DIAPH3: variants seen among roughly 807,000 people sequenced by gnomAD.
The protein encoded by DIAPH3 is diaphanous related formin 3.
In DIAPH3, 117 loss-of-function variants were observed where a neutral mutation model predicts 144.3. That is an observed-to-expected ratio of 0.81 (90% CI 0.70 to 0.95). DIAPH3 has a LOEUF of 0.95. DIAPH3 is among the 40% of genes least tolerant of loss of function. DIAPH3 has a pLI of 0.00. For synonymous variants in DIAPH3, 519 were observed against 488.9 expected (o/e 1.06, Z -0.81); for missense variants, 1,421 against 1,412.7 (o/e 1.01, Z -0.09).
At chr13:60,121,976 C>T (rs2058857858) in intron 2 of DIAPH3, among the ~76,000 whole-genome samples, 1 of 152,082 alleles carries the variant, frequency 6.6e-6, no homozygotes, top group Admixed American at 6.6e-5. Context: ...CTCTTCACTG[C>T]CCTCTCCCCC....
At chr13:60,074,313 T>G (rs2057306618) in intron 4 of DIAPH3, among the ~76,000 whole-genome samples, 1 of 152,194 alleles carries the variant, frequency 6.6e-6, no homozygotes, top group African/African-American at 2.4e-5. Context: ...TTATTCACAT[T>G]AACTACCCCA....
At chr13:59,838,018 G>A (rs2042130882) in intron 23 of DIAPH3, 1 of 152,054 alleles carries the variant, frequency 6.6e-6, no homozygotes, top group Non-Finnish European at 1.5e-5. Context: ...TATTAATTTT[G>A]TGATTCACTA....
intron 23 of DIAPH3, among the ~76,000 whole-genome samples, chr13:59,835,365 GA>G (rs34539536): frequency 0.04 from 5,979 of 151,342 alleles, 182 homozygotes; most frequent in East Asian, 0.12. Context: ...GTATGATGTA[GA>G]AAAAAAATAT....
In DIAPH3 at chr13:60,160,307, C is replaced by T. The variant is rs115684676; in HGVS notation, c.180+3280G>A. Among the ~76,000 whole-genome samples, 1,263 of 152,298 alleles carry T rather than the reference C, an allele frequency of 8.3e-3. 22 individuals are homozygous for T. The highest frequency in any genetic ancestry group is 0.029 in the African/African-American group (1,186 of 41,566). ...ACATAATCAATCAATAATTAACAAT[C>T]TATTTGATGGAAACGATTAGACGAT... On this transcript the variant is annotated intron_variant, in intron 1 of 27. Transcript: ENST00000400324.
chr13:59,988,255 C>T (rs1206908623), intron 12 of DIAPH3, among the ~76,000 whole-genome samples: 2 of 151,724 alleles, frequency 1.3e-5, no homozygotes, highest in African/African-American at 4.8e-5. Context: ...ACATTATCTC[C>T]CATCCCCAAA....
chr13:60,022,276 C>T (rs1167240922), intron 5 of DIAPH3, among the ~76,000 whole-genome samples: 1 of 152,118 alleles, frequency 6.6e-6, no homozygotes, highest in Non-Finnish European at 1.5e-5. Context: ...TAGAACTTCC[C>T]TATGGTGTAA....
At chr13:60,083,906 CAGATGGATGGATGGAT>C (rs1250831583) in intron 4 of DIAPH3, among the ~76,000 whole-genome samples, 14 of 125,266 alleles carry the variant, frequency 1.1e-4, no homozygotes, top group African/African-American at 2.8e-4. Flanking sequence ...TATGGATGGA[CAGATGGATGGATGGAT>C]GGATGGATGG....
chr13:60,135,911 T>C (rs969103874), intron 1 of DIAPH3, among the ~76,000 whole-genome samples: 13 of 152,210 alleles, frequency 8.5e-5, no homozygotes, highest in Non-Finnish European at 1.9e-4. Flanking sequence ...AAACACTAAA[T>C]ACTTAGTGAA....
At chr13:59,701,401 T>G (rs2034105667) in intron 27 of DIAPH3, among the ~76,000 whole-genome samples, 1 of 152,144 alleles carries the variant, frequency 6.6e-6, no homozygotes, top group Admixed American at 6.5e-5. Flanking sequence ...GGCATAGAGG[T>G]GGGAACAGTG....
intron 25 of DIAPH3, among the ~76,000 whole-genome samples, chr13:59,798,874 A>T (rs140693344): frequency 6.6e-6 from 1 of 152,288 alleles, no homozygotes; most frequent in African/African-American, 2.4e-5. Flanking sequence ...AGTTGAGTCC[A>T]AGAGTGGAGG....
At chr13:59,732,933 A>G (rs1337092563) in intron 27 of DIAPH3, among the ~76,000 whole-genome samples, 1 of 152,178 alleles carries the variant, frequency 6.6e-6, no homozygotes, top group African/African-American at 2.4e-5. Context: ...AAAATAGAAT[A>G]CATCACCTGT....
chr13:60,135,349 C>G (rs2059243596), intron 1 of DIAPH3, among the ~76,000 whole-genome samples: 1 of 150,884 alleles, frequency 6.6e-6, no homozygotes, highest in African/African-American at 2.4e-5. Context: ...TGTTTTCAAA[C>G]TATATAGGTA....
At chr13:59,773,182 G>C (rs560688390) in intron 27 of DIAPH3, among the ~76,000 whole-genome samples, 141 of 152,258 alleles carry the variant, frequency 9.3e-4, no homozygotes, top group African/African-American at 3.3e-3. Flanking sequence ...CTATTTAAGA[G>C]ACTGCAGTAT....
intron 4 of DIAPH3, 66 bp downstream of exon 4, chr13:60,093,562 T>G (rs1325263478): frequency 1.8e-6 from 2 of 1,099,988 alleles, no homozygotes; most frequent in African/African-American, 3.1e-5. Flanking sequence ...CTTCATTAGA[T>G]AAATGTGCTG....
At chr13:59,877,808 G>A (rs2044729668) in intron 21 of DIAPH3, among the ~76,000 whole-genome samples, 2 of 151,702 alleles carry the variant, frequency 1.3e-5, no homozygotes, top group African/African-American at 4.8e-5. Context: ...AAAGGTAGTA[G>A]GCCACTCACT....
intron 1 of DIAPH3, among the ~76,000 whole-genome samples, chr13:60,140,370 T>C (rs992775184): frequency 3.9e-5 from 6 of 152,188 alleles, no homozygotes; most frequent in Non-Finnish European, 5.9e-5. Context: ...AAAGTTTATA[T>C]ACAAATATGT....
intron 22 of DIAPH3, among the ~76,000 whole-genome samples, chr13:59,860,086 C>T (rs2043490875): frequency 6.6e-6 from 1 of 152,062 alleles, no homozygotes. Flanking sequence ...CATCTCAGAA[C>T]AAAGTTTCAA....
intron 4 of DIAPH3, among the ~76,000 whole-genome samples, chr13:60,072,433 C>A (rs1207959988): frequency 6.6e-6 from 1 of 152,240 alleles, no homozygotes; most frequent in East Asian, 1.9e-4. Context: ...CACACATGCA[C>A]AAGAAAACCA....
intron 18 of DIAPH3, among the ~76,000 whole-genome samples, chr13:59,917,195 T>A (rs767157807): frequency 1.3e-5 from 2 of 152,118 alleles, no homozygotes; most frequent in Non-Finnish European, 2.9e-5. Flanking sequence ...TATTCACAAA[T>A]CTGACCAACT....
Sources: allele counts gnomAD v4.1 joint callset (sites outside exome capture counted in the v4.1 genomes callset), GRCh38; gene constraint gnomAD v4.1.1; transcripts MANE v1.5; gene names NCBI Gene and HGNC (gene_info 2026-07-23, HGNC 2026-07-21).